LRBA: variants seen among roughly 807,000 people sequenced by gnomAD.
The protein encoded by LRBA is lipopolysaccharide-responsive and beige-like anchor protein.
A neutral mutation model predicts 330.0 loss-of-function variants in LRBA; 176 were observed. That is an observed-to-expected ratio of 0.53 (90% CI 0.47 to 0.60). The LOEUF (loss-of-function observed/expected upper bound fraction) is 0.60, where lower values mean the gene tolerates loss of function less well. Ranked by LOEUF, LRBA falls within the 20% of genes least tolerant of loss-of-function variation. The probability of loss-of-function intolerance (pLI) is 0.00; values close to 1 mark genes in which losing one functional copy is unlikely to be tolerated. For missense variants in LRBA, 3,259 were observed against 3,444.8 expected (o/e 0.95, Z 1.35); for synonymous variants, 1,230 against 1,193.0 (o/e 1.03, Z -0.64).
intron 44 of LRBA, among the ~76,000 whole-genome samples, chr4:150,467,041 C>T (rs908610517): frequency 6.6e-6 from 1 of 151,986 alleles, no homozygotes; most frequent in Non-Finnish European, 1.5e-5. Flanking sequence ...CTGGTCATAC[C>T]AGAGAGCATG....
At chr4:150,484,181 C>G (rs903833892) in intron 42 of LRBA, among the ~76,000 whole-genome samples, 10 of 151,916 alleles carry the variant, frequency 6.6e-5, no homozygotes, top group Admixed American at 2.6e-4. Context: ...TCAGGTAATG[C>G]TGGTCTCATA....
At chr4:150,581,423 G>C in intron 40 of LRBA, 1 of 366,456 alleles carries the variant, frequency 2.7e-6, no homozygotes, top group Non-Finnish European at 5.4e-6. Flanking sequence ...CTTTAAAGGA[G>C]GAAAAAACCT....
chr4:150,932,226 A>C (rs371710485), intron 2 of LRBA, among the ~76,000 whole-genome samples: 5 of 152,248 alleles, frequency 3.3e-5, no homozygotes, highest in African/African-American at 1.2e-4. Context: ...CAGAAACTCT[A>C]TATGCAAAAA....
At chr4:150,506,072 G>A (rs960257789) in intron 40 of LRBA, among the ~76,000 whole-genome samples, 1 of 152,176 alleles carries the variant, frequency 6.6e-6, no homozygotes, top group Non-Finnish European at 1.5e-5. Context: ...CTCTGAAATT[G>A]AGGCAATAAT....
At chr4:150,597,710 C>A (rs1003944389) in intron 38 of LRBA, among the ~76,000 whole-genome samples, 16 of 150,986 alleles carry the variant, frequency 1.1e-4, no homozygotes, top group Admixed American at 3.3e-4. Context: ...CCAGAAAATC[C>A]AAAAAAACAC....
At chr4:150,296,643 AAT>A (rs1729009237) in intron 53 of LRBA, among the ~76,000 whole-genome samples, 1 of 152,022 alleles carries the variant, frequency 6.6e-6, no homozygotes, top group Non-Finnish European at 1.5e-5. Flanking sequence ...AACTAGAAAA[AAT>A]AGGGTTTAAC....
chr4:150,691,887 C>T lies in LRBA; in HGVS notation c.5755-8170G>A, dbSNP rs532410235. Among the ~76,000 whole-genome samples, 33 of 151,972 alleles carry T rather than the reference C, an allele frequency of 2.2e-4. 1 individual carries two copies. The South Asian group carries it at 5.9e-3, about 27-fold the overall frequency. On this transcript the variant is annotated intron_variant, in intron 36 of 56. Coordinates refer to ENST00000651943, the MANE Select transcript of LRBA (RefSeq NM_001364905.1). ...CCAATAATACACACAACAATGTGAA[C>T]GAATATCAAAAAGTTTATGCTGACC...
chr4:150,910,934 C>A (rs2149482110), intron 9 of LRBA, among the ~76,000 whole-genome samples: 1 of 152,184 alleles, frequency 6.6e-6, no homozygotes, highest in East Asian at 1.9e-4. Flanking sequence ...AGTATTTTAT[C>A]CTTGTTGATG....
chr4:150,897,006 A>C (rs1730156396), intron 15 of LRBA, among the ~76,000 whole-genome samples: 1 of 151,430 alleles, frequency 6.6e-6, no homozygotes, highest in Non-Finnish European at 1.5e-5. Flanking sequence ...AAAAAAAAAA[A>C]ACACCACAAG....
intron 47 of LRBA, among the ~76,000 whole-genome samples, chr4:150,398,065 A>G (rs1446524656): frequency 6.6e-6 from 1 of 152,208 alleles, no homozygotes; most frequent in Non-Finnish European, 1.5e-5. Flanking sequence ...TAGCACAGAA[A>G]AAAAGTAGAA....
At chr4:150,620,207 C>A (rs1456829019) in intron 37 of LRBA, among the ~76,000 whole-genome samples, 1 of 152,090 alleles carries the variant, frequency 6.6e-6, no homozygotes, top group Non-Finnish European at 1.5e-5. Flanking sequence ...TGAAAAAATG[C>A]TCAACATCAC....
chr4:150,463,346 C>T (rs1561213028), intron 44 of LRBA, among the ~76,000 whole-genome samples: 1 of 151,944 alleles, frequency 6.6e-6, no homozygotes. Flanking sequence ...TTGTTGAAAG[C>T]ACTTTTTATA....
At chr4:150,768,936 T>G (rs1736159125) in intron 34 of LRBA, among the ~76,000 whole-genome samples, 2 of 107,288 alleles carry the variant, frequency 1.9e-5, no homozygotes, top group Non-Finnish European at 3.6e-5. Flanking sequence ...CCTTTTTTTT[T>G]TTTTTTTTTT....
chr4:150,717,414 T>C (rs1424500693), intron 36 of LRBA, among the ~76,000 whole-genome samples: 3 of 151,852 alleles, frequency 2.0e-5, no homozygotes, highest in Admixed American at 6.6e-5. Context: ...GTGGCTCATA[T>C]ATGTAATCCC....
At chr4:150,416,435 A>G (rs764473201) in intron 46 of LRBA, among the ~76,000 whole-genome samples, 19 of 152,196 alleles carry the variant, frequency 1.2e-4, no homozygotes, top group Non-Finnish European at 2.8e-4. Flanking sequence ...TGAACTTGCC[A>G]GAGCAGAGAA....
intron 2 of LRBA, among the ~76,000 whole-genome samples, chr4:150,959,107 A>G (rs560013339): frequency 1.2e-4 from 18 of 149,540 alleles, no homozygotes; most frequent in South Asian, 8.3e-4. Flanking sequence ...GGTAATTTAC[A>G]AAGGCAAGAG....
In LRBA at chr4:150,817,143, A is replaced by G; in HGVS notation, c.5286T>C (p.Asp1762=). 6.2e-7 allele frequency: 1 copy of G among 1,611,972 alleles called. No homozygotes were observed. Among genetic ancestry groups the G allele is most frequent in the Non-Finnish European group, 8.5e-7 (1 of 1,178,520 alleles). The part of the protein sequence containing the change: ...VSSVDSAQAS[D]MGGESPGSRS... ...ACTCACCTGGTGATTCTCCTCCCATATCTGAGGCTTGGGCTGAATCTACTG... is the reference window on the plus strand; with the variant it reads ...ACTCACCTGGTGATTCTCCTCCCATGTCTGAGGCTTGGGCTGAATCTACTG... The change falls in exon 31 of 57, where the codon GAT becomes GAC. Residue 1762 remains aspartate, a synonymous_variant. Coordinates refer to ENST00000651943, the MANE Select transcript of LRBA (RefSeq NM_001364905.1).
chr4:150,799,698 G>A (rs1192634012), intron 33 of LRBA, among the ~76,000 whole-genome samples: 2 of 152,140 alleles, frequency 1.3e-5, no homozygotes, highest in East Asian at 3.9e-4. Context: ...AGATTTATAG[G>A]TGCTCCTTTG....
chr4:150,326,881 A>G (rs1440151782), intron 48 of LRBA, among the ~76,000 whole-genome samples: 1 of 152,184 alleles, frequency 6.6e-6, no homozygotes, highest in Non-Finnish European at 1.5e-5. Flanking sequence ...AAAACCCTCA[A>G]ATTAATAAGA....
Sources: allele counts gnomAD v4.1 joint callset (sites outside exome capture counted in the v4.1 genomes callset), GRCh38; gene constraint gnomAD v4.1.1; transcripts MANE v1.5; gene names NCBI Gene and HGNC (gene_info 2026-07-23, HGNC 2026-07-21).